The following PLEC variants were observed in gnomAD, a reference collection of about 807,000 sequenced individuals.
The protein encoded by PLEC is plectin, also known as hemidesmosomal protein 1.
In PLEC, 216 loss-of-function variants were observed where a neutral mutation model predicts 392.8. The observed-to-expected ratio is 0.55, with a 90% CI of 0.49 to 0.62. PLEC has a LOEUF of 0.62. Ranked by LOEUF, PLEC falls within the 20% of genes least tolerant of loss-of-function variation. The pLI is 0.00. For synonymous variants in PLEC, 3,621 were observed against 2,980.6 expected (o/e 1.21, Z -7.00); for missense variants, 6,863 against 6,563.4 (o/e 1.05, Z -1.58).
At chr8:143,968,529 C>CA (rs57468544) in intron 1 of PLEC, among the ~76,000 whole-genome samples, 1,428 of 63,608 alleles carry the variant, frequency 0.022, 34 homozygotes, top group Non-Finnish European at 0.029. Context: ...AACTCCATCT[C>CA]AAAAAAAAAA....
In PLEC at chr8:143,919,433, C is replaced by G. The variant is rs201698549; in HGVS notation, c.10388G>C (p.Arg3463Pro). 2 of 1,613,086 alleles carry G rather than the reference C, an allele frequency of 1.2e-6. No homozygotes were observed. The highest frequency in any genetic ancestry group is 1.7e-6 in the Non-Finnish European group (2 of 1,179,834). Residue 3463 changes from arginine (R) to proline (P), a missense_variant, in exon 32 of 32, where the codon CGC becomes CCC. By Grantham distance (103) the Arg-to-Pro change is moderately radical. Coordinates refer to ENST00000345136, the MANE Select transcript of PLEC (RefSeq NM_201384.3). ...CGTGGCGATCTGGGCCTCCAGCAGGCGGATGCCGTGCTGCCGGAGAACCAG... is the reference window on the plus strand; with the variant it reads ...CGTGGCGATCTGGGCCTCCAGCAGGGGGATGCCGTGCTGCCGGAGAACCAG... ...KGLVLRQHGI[R>P]LLEAQIATGG...
rs1823346635 is a variant in PLEC, at chr8:143,922,835, T to C, written c.7094A>G (p.Gln2365Arg). ...CTGCCGCTCGGCCTCCAGCGTCCGC[T>C]GGAAGCCCTGCGTCTCCTCCGCCAG... ...QQLAEETQGFQRTLEAERQRQ... is the reference protein window; with the variant it reads ...QQLAEETQGFRRTLEAERQRQ... The change falls in exon 31 of 32, where the codon CAG (glutamine) becomes CGG (arginine). Residue 2365 changes from glutamine (Q) to arginine (R), a missense_variant. Transcript: ENST00000345136. 2 of 1,582,326 alleles carry C rather than the reference T, an allele frequency of 1.3e-6. No individual in the cohort carries two copies. Among genetic ancestry groups the C allele is most frequent in the Non-Finnish European group, 1.7e-6 (2 of 1,166,456 alleles).
chr8:143,948,430 G>T (rs543655511), intron 1 of PLEC, among the ~76,000 whole-genome samples: 1 of 152,318 alleles, frequency 6.6e-6, no homozygotes, highest in East Asian at 1.9e-4. Flanking sequence ...GGGCCATCCG[G>T]ACCCCTGTCA....
intron 2 of PLEC, 106 bp downstream of exon 2, chr8:143,938,525 G>A: frequency 6.5e-7 from 1 of 1,545,778 alleles, no homozygotes; most frequent in Non-Finnish European, 8.9e-7. Context: ...GATGAAAGGT[G>A]AGCACACAGG....
chr8:143,922,771 C>T lies in PLEC; in HGVS notation c.7158G>A (p.Lys2386=). 6.2e-7 allele frequency: 1 copy of T among 1,605,660 alleles called. No individual in the cohort carries two copies. Among genetic ancestry groups the T allele is most frequent in the Non-Finnish European group, 8.5e-7 (1 of 1,178,200 alleles). Residue 2386 remains lysine, a synonymous_variant, in exon 31 of 32, where the codon AAG becomes AAA. Transcript: ENST00000345136. ...LEMSAEAERL[K]LRVAEMSRAQ... Reference sequence around the variant, plus strand: ...CTCGGCTCATCTCGGCCACACGCAGCTTGAGGCGCTCAGCCTCAGCGCTCA... The same window carrying T: ...CTCGGCTCATCTCGGCCACACGCAGTTTGAGGCGCTCAGCCTCAGCGCTCA...
chr8:143,939,697 C>G, upstream of PLEC: 1 of 1,351,046 alleles, frequency 7.4e-7, no homozygotes. Flanking sequence ...GGGGAGTGTC[C>G]CGGCGGGAAG....
At chr8:143,930,084 C>G (rs1554712834) in intron 21 of PLEC, 22 bp from the exon 22 acceptor site, 1 of 1,605,842 alleles carries the variant, frequency 6.2e-7, no homozygotes, top group Admixed American at 1.7e-5. Flanking sequence ...GGGCTACAGT[C>G]AGCGTCACCA....
intron 1 of PLEC, among the ~76,000 whole-genome samples, chr8:143,947,122 T>C (rs1831587600): frequency 6.6e-6 from 1 of 152,318 alleles, no homozygotes; most frequent in African/African-American, 2.4e-5. Context: ...GGCCGGGCCA[T>C]AGTCCCTCCA....
Position 143,918,876 on chromosome 8 carries a change from C to T in PLEC, c.10945G>A (p.Ala3649Thr). Reference protein sequence around the residue: ...SYDYVRRRLTAEDLFEARIIS... With the variant: ...SYDYVRRRLTTEDLFEARIIS... ...ATCCGAGCCTCGAACAGGTCCTCAG[C>T]CGTGAGGCGGCGGCGCACGTAGTCG... Residue 3649 changes from alanine (A) to threonine (T), a missense_variant, in exon 32 of 32, where the codon GCT becomes ACT. Coordinates refer to ENST00000345136, the MANE Select transcript of PLEC (RefSeq NM_201384.3). 1.9e-6 allele frequency: 3 copies of T among 1,612,702 alleles called. No individual in the cohort carries two copies. Among genetic ancestry groups the T allele is most frequent in the Non-Finnish European group, 2.5e-6 (3 of 1,180,034 alleles).
intron 1 of PLEC, among the ~76,000 whole-genome samples, chr8:143,970,928 G>A (rs903192210): frequency 6.6e-6 from 1 of 152,218 alleles, no homozygotes. Flanking sequence ...CTCCCACAGG[G>A]TGCCCAGAGC....
chr8:143,926,907 C>T (rs782343036), intron 29 of PLEC, 25 bp from the exon 30 acceptor site: 72 of 1,609,038 alleles, frequency 4.5e-5, no homozygotes, highest in Middle Eastern at 1.6e-4. Flanking sequence ...CAGGGTTAGC[C>T]CTGCGAGAGC....
rs368616323 is a variant in PLEC, at chr8:143,919,784, G to C, written c.10037C>G (p.Ser3346Cys). 3.5e-5 allele frequency: 57 copies of C among 1,612,378 alleles called. No individual in the cohort carries two copies. The highest frequency in any genetic ancestry group is 4.8e-5 in the Non-Finnish European group (57 of 1,179,676). Residue 3346 changes from serine (S) to cysteine (C), a missense_variant, in exon 32 of 32, where the codon TCC (serine) becomes TGC (cysteine). Transcript: ENST00000345136. ...TTVKDLSELG[S>C]VRTLLQGSGC... The stretch of plus-strand genomic sequence containing the variant: ...ACTGCCCTGCAGCAGCGTCCGCACG[G>C]AGCCCAGCTCCGAAAGGTCCTTGAC...
In PLEC at chr8:143,918,893, A is replaced by C. The variant is rs1057008805; in HGVS notation, c.10928T>G (p.Val3643Gly). The change falls in exon 32 of 32, where the codon GTG (valine) becomes GGG (glycine). Residue 3643 changes from valine to glycine, a missense_variant. By Grantham distance (109) the Val-to-Gly change is moderately radical. Transcript: ENST00000345136. ...GTCCTCAGCCGTGAGGCGGCGGCGCACGTAGTCGTAGGAGGCCAGACCCTG... is the reference window on the plus strand; with the variant it reads ...GTCCTCAGCCGTGAGGCGGCGGCGCCCGTAGTCGTAGGAGGCCAGACCCTG... Reference protein sequence around the residue: ...RQQGLASYDYVRRRLTAEDLF... With the variant: ...RQQGLASYDYGRRRLTAEDLF... The C allele has an allele frequency of 1.1e-5, 18 of 1,611,940 alleles. No individual in the cohort carries two copies. Among genetic ancestry groups the C allele is most frequent in the Non-Finnish European group, 1.4e-5 (16 of 1,180,016 alleles).
upstream of PLEC, chr8:143,943,744 G>T (rs534768019): frequency 1.0e-5 from 16 of 1,597,544 alleles, no homozygotes; most frequent in East Asian, 2.7e-4. Context: ...CCTCTGCCCC[G>T]CCTCGAGTCC....
At chr8:143,975,106 C>T (rs1833612667), upstream of PLEC, 4 of 1,521,618 alleles carry the variant, frequency 2.6e-6, no homozygotes, top group Non-Finnish European at 1.8e-6. The surrounding 1 kb of genome is among the most constrained non-coding windows in gnomAD (Gnocchi z 9.9). Flanking sequence ...GCTCCAGCGC[C>T]TAGCACGCAG....
chr8:143,949,137 C>T (rs556695952), intron 1 of PLEC, among the ~76,000 whole-genome samples: 74 of 152,328 alleles, frequency 4.9e-4, no homozygotes, highest in Admixed American at 1.3e-3. Context: ...ACCAGGGCTC[C>T]GCCCAGCATC....
intron 1 of PLEC, among the ~76,000 whole-genome samples, chr8:143,962,957 G>C (rs1280945644): frequency 6.6e-6 from 1 of 152,222 alleles, no homozygotes; most frequent in African/African-American, 2.4e-5. Context: ...GAGGTTCACT[G>C]TTAGGAAAGT....
rs1554715511 is a variant in PLEC, at chr8:143,931,611, C to T, written c.2227G>A (p.Glu743Lys). 6.2e-7 allele frequency: 1 copy of T among 1,601,124 alleles called. No homozygotes were observed. Among genetic ancestry groups the T allele is most frequent in the South Asian group, 1.1e-5 (1 of 88,832 alleles). ...CAACTGTATTTCCTACGCAGTGCCT[C>T]CTGCAGCTTCTGCAACTGCCCCTCG... ...EAEGQLQKLQ[E>K]ALRRKYSCDR... Residue 743 changes from glutamate (E) to lysine (K), a missense_variant, in exon 19 of 32, where the codon GAG (glutamate) becomes AAG (lysine). Physicochemically the swap from Glu to Lys is moderately conservative, Grantham distance 56. Coordinates refer to ENST00000345136, the MANE Select transcript of PLEC (RefSeq NM_201384.3).
intron 30 of PLEC, among the ~76,000 whole-genome samples, chr8:143,926,573 G>A (rs1305644125): frequency 6.6e-6 from 1 of 152,202 alleles, no homozygotes; most frequent in Non-Finnish European, 1.5e-5. Context: ...CACTGTGGGG[G>A]AGCAGTGTAG....
Sources: allele counts gnomAD v4.1 joint callset (sites outside exome capture counted in the v4.1 genomes callset), GRCh38; gene constraint gnomAD v4.1.1; non-coding constraint Gnocchi (gnomAD v3.1); transcripts MANE v1.5; gene names NCBI Gene and HGNC (gene_info 2026-07-23, HGNC 2026-07-21).